SHANK2: variants seen among roughly 807,000 people sequenced by gnomAD.
SHANK2 encodes the protein SH3 and multiple ankyrin repeat domains 2.
SHANK2 carries 43 observed loss-of-function variants against 133.7 expected under a neutral mutation model. That is an observed-to-expected ratio of 0.32 (90% CI 0.25 to 0.41). The LOEUF is 0.41. SHANK2 is among the 10% of genes least tolerant of loss of function. The pLI is 1.00. For missense variants in SHANK2, 1,994 were observed against 2,235.8 expected, an observed-to-expected ratio of 0.89 and a Z score of 2.18; for synonymous variants, 1,017 against 952.8, an observed-to-expected ratio of 1.07 and a Z score of -1.24.
At chr11:71,149,837 A>AG (rs1952732022) in intron 2 of SHANK2, among the ~76,000 whole-genome samples, 1 of 121,484 alleles carries the variant, frequency 8.2e-6, no homozygotes, top group African/African-American at 3.2e-5. Context: ...GAAGGGAGGG[A>AG]AGGAGAAAGG....
chr11:71,060,872 A>G (rs1386472882), intron 9 of SHANK2, among the ~76,000 whole-genome samples: 1 of 152,174 alleles, frequency 6.6e-6, no homozygotes, highest in Non-Finnish European at 1.5e-5. Context: ...AGGGTGGGAA[A>G]CCCCTGGAAA....
intron 3 of SHANK2, among the ~76,000 whole-genome samples, chr11:71,139,555 G>A (rs1417179672): frequency 1.3e-5 from 2 of 152,116 alleles, no homozygotes; most frequent in Non-Finnish European, 2.9e-5. Flanking sequence ...TTTGGGCCAC[G>A]GGGCCAGTTT....
In SHANK2 at chr11:70,867,235, C is replaced by A. The variant is rs568365881; in HGVS notation, c.1174+29266G>T. On this transcript the variant is annotated intron_variant, in intron 11 of 25. Transcript: ENST00000601538. ...ATCCTGAGGTCAGCTGTCTCCTATC[C>A]GGGTAGGGGTAGGTGGAGGGTGCTG... Among the ~76,000 whole-genome samples, 4 of 152,190 alleles carry A rather than the reference C, an allele frequency of 2.6e-5. No individual in the cohort carries two copies. The East Asian group carries it at 7.7e-4, about 29-fold the overall frequency.
Position 70,489,346 on chromosome 11 carries a change from T to C in SHANK2, c.2554A>G (p.Ser852Gly). The change falls in exon 24 of 26, where the codon AGC (serine) becomes GGC (glycine). Residue 852 changes from serine (S) to glycine (G), a missense_variant and splice_region_variant. This residue lies in a region of SHANK2 where 488 missense variants were observed against 642.6 expected (regional missense o/e 0.76). Transcript: ENST00000601538. ...CACTAACCTGATAGAAAGATTCTGCTGTCTGACAGGAGGAAATCAGTTGTT... is the reference window on the plus strand; with the variant it reads ...CACTAACCTGATAGAAAGATTCTGCCGTCTGACAGGAGGAAATCAGTTGTT... Reference protein sequence around the residue: ...GTMRRQKSIDSRIFLSGITEE... With the variant: ...GTMRRQKSIDGRIFLSGITEE... 6.2e-7 allele frequency: 1 copy of C among 1,613,960 alleles called. No individual in the cohort carries two copies. The highest frequency in any genetic ancestry group is 1.1e-5 in the South Asian group (1 of 91,084).
In SHANK2 at chr11:70,739,645, C is replaced by T. The variant is rs1200011320; in HGVS notation, c.1778-40882G>A. On this transcript the variant is annotated intron_variant, in intron 14 of 25. Transcript: ENST00000601538. The surrounding 1 kb of genome is among the most constrained non-coding windows in gnomAD (Gnocchi z 4.3). ...CCACCAGCCAGGGTCAGCTGGGCCC[C>T]AGGGAGGCTGTGATGGGCTGAACGG... Among the ~76,000 whole-genome samples, 2 of 152,200 alleles carry T rather than the reference C, an allele frequency of 1.3e-5. No homozygotes were observed. The highest frequency in any genetic ancestry group is 4.8e-5 in the African/African-American group (2 of 41,460).
At position 70,830,554 on chromosome 11, in the gene SHANK2, G is replaced by A. The variant is rs986294099; in HGVS notation, c.1175-9872C>T. On this transcript the variant is annotated intron_variant, in intron 11 of 25. Transcript: ENST00000601538. The surrounding 1 kb of genome is among the most constrained non-coding windows in gnomAD (Gnocchi z 4.4). ...AGCAGAGGCGGGTGCACAGCCTCCC[G>A]CAGAACTCCGGGAATTCGCTAGCGC... Among the ~76,000 whole-genome samples, 3 of 152,200 alleles carry A rather than the reference G, an allele frequency of 2.0e-5. No individual in the cohort carries two copies. Among genetic ancestry groups the A allele is most frequent in the Non-Finnish European group, 2.9e-5 (2 of 68,040 alleles).
chr11:71,070,352 A>G (rs1951127288), intron 9 of SHANK2, among the ~76,000 whole-genome samples: 1 of 152,238 alleles, frequency 6.6e-6, no homozygotes, highest in Non-Finnish European at 1.5e-5. Flanking sequence ...CCAGAGGTCA[A>G]GGGGCCAACC....
At chr11:70,518,022 A>C (rs1356822533) in intron 17 of SHANK2, among the ~76,000 whole-genome samples, 1 of 152,210 alleles carries the variant, frequency 6.6e-6, no homozygotes, top group Non-Finnish European at 1.5e-5. Context: ...TCAAAATATA[A>C]AGTCTACTAA....
intron 2 of SHANK2, among the ~76,000 whole-genome samples, chr11:71,183,775 T>C (rs1221524429): frequency 6.6e-6 from 1 of 152,144 alleles, no homozygotes; most frequent in African/African-American, 2.4e-5. Context: ...TTTAGGGCTC[T>C]GTTGGAGACA....
At chr11:70,552,796 C>G (rs141522842) in intron 17 of SHANK2, among the ~76,000 whole-genome samples, 8 of 152,258 alleles carry the variant, frequency 5.3e-5, no homozygotes, top group African/African-American at 1.9e-4. Context: ...GAGGGTGACT[C>G]TGGTGCCCAC....
intron 14 of SHANK2, among the ~76,000 whole-genome samples, chr11:70,736,907 TGGGAACG>T: frequency 6.6e-6 from 1 of 152,240 alleles, no homozygotes; most frequent in Middle Eastern, 3.4e-3. Context: ...GAACGTGAAA[TGGGAACG>T]GAATTCAGCC....
chr11:71,083,590 C>T (rs1000746270), intron 8 of SHANK2, among the ~76,000 whole-genome samples: 2 of 152,124 alleles, frequency 1.3e-5, no homozygotes, highest in Admixed American at 6.5e-5. Flanking sequence ...AGGAGAGTCC[C>T]TCATCCCGAA....
intron 17 of SHANK2, among the ~76,000 whole-genome samples, chr11:70,640,400 G>A (rs2061162043): frequency 6.6e-6 from 1 of 152,194 alleles, no homozygotes. Flanking sequence ...CGGGAAGCCG[G>A]AAGAGGCTGG....
chr11:71,232,208 C>A (rs2135771139), intron 1 of SHANK2, among the ~76,000 whole-genome samples: 1 of 152,138 alleles, frequency 6.6e-6, no homozygotes, highest in South Asian at 2.1e-4. Flanking sequence ...GAGTGGTTAC[C>A]AGGGCTTATA....
chr11:70,558,401 A>G, intron 17 of SHANK2, among the ~76,000 whole-genome samples: 1 of 152,236 alleles, frequency 6.6e-6, no homozygotes, highest in East Asian at 1.9e-4. Flanking sequence ...GACCCAGCCC[A>G]GTCGTGCCTG....
intron 14 of SHANK2, among the ~76,000 whole-genome samples, chr11:70,752,200 T>C (rs548907263): frequency 6.6e-6 from 1 of 152,094 alleles, no homozygotes; most frequent in East Asian, 1.9e-4. Flanking sequence ...CCCTCCCCCC[T>C]TGGCCTCCCA....
chr11:70,607,272 G>T lies in SHANK2; in HGVS notation c.2061+52556C>A, dbSNP rs140493223. On this transcript the variant is annotated intron_variant, in intron 17 of 25. Coordinates refer to ENST00000601538, the MANE Select transcript of SHANK2 (RefSeq NM_012309.5). ...TAGGGGAATTTTAACAGATGAACTGGTTTCCAGGCTGAACTCTGAGCCCAG... is the reference window on the plus strand; with the variant it reads ...TAGGGGAATTTTAACAGATGAACTGTTTTCCAGGCTGAACTCTGAGCCCAG... Among the ~76,000 whole-genome samples, 532 of 152,302 alleles carry T rather than the reference G, an allele frequency of 3.5e-3. 8 individuals are homozygous for T. In the East Asian group the frequency reaches 0.05, roughly 14 times the overall value.
At chr11:70,896,869 C>T (rs780230579) in intron 10 of SHANK2, among the ~76,000 whole-genome samples, 82 of 152,288 alleles carry the variant, frequency 5.4e-4, no homozygotes, top group Non-Finnish European at 1.0e-3. Flanking sequence ...TCAACCAGGC[C>T]TGAGTCTGGA....
At chr11:70,499,672 T>C (rs1213878320) in intron 21 of SHANK2, among the ~76,000 whole-genome samples, 1 of 152,112 alleles carries the variant, frequency 6.6e-6, no homozygotes, top group African/African-American at 2.4e-5. Flanking sequence ...GTACCCCGGG[T>C]GTCCACCACA....
Sources: gnomAD v4.1 joint callset for allele counts (sites outside exome capture counted in the v4.1 genomes callset) on GRCh38, gnomAD v4.1.1 for gene constraint, gnomAD v4.1.1 regional missense constraint, Gnocchi (gnomAD v3.1) non-coding constraint, MANE v1.5 for transcripts, NCBI Gene and HGNC (gene_info 2026-07-23, HGNC 2026-07-21) for gene names.